Variants in CNNM4 observed in about 807,000 individuals in gnomAD.
CNNM4 encodes cyclin and CBS domain divalent metal cation transport mediator 4.
In CNNM4, 32 loss-of-function variants were observed where a neutral mutation model predicts 53.7. The ratio of observed to expected loss-of-function variants is 0.60; its 90% CI spans 0.45 to 0.80. The LOEUF (loss-of-function observed/expected upper bound fraction) is 0.80. Among genes scored for constraint, CNNM4 ranks in the 30% least tolerant of loss-of-function variants. The probability of loss-of-function intolerance (pLI) is 0.00; values close to 1 mark genes in which losing one functional copy is unlikely to be tolerated. For missense variants in CNNM4, 784 were observed against 1,022.0 expected, an observed-to-expected ratio of 0.77 and a Z score of 3.17; for synonymous variants, 410 against 440.0, an observed-to-expected ratio of 0.93 and a Z score of 0.85.
At chr2:96,784,585 T>C (rs2079000861) in intron 1 of CNNM4, among the ~76,000 whole-genome samples, 1 of 152,234 alleles carries the variant, frequency 6.6e-6, no homozygotes, top group African/African-American at 2.4e-5. Context: ...GGGGCCAGTC[T>C]TAGAGTCCCC....
intron 5 of CNNM4, 36 bp downstream of exon 5, chr2:96,799,684 C>A: frequency 6.7e-7 from 1 of 1,484,060 alleles, no homozygotes; most frequent in Admixed American, 2.0e-5. Context: ...TGCCCTTTGG[C>A]CCCCCTGCAG....
Position 96,765,024 on chromosome 2 carries a change from GTTTTTTTTTTTTTTTTTTTTTTTTT to G in CNNM4, c.1402+2641_1402+2665del, listed in dbSNP as rs1158502593. Reference sequence around the variant, plus strand: ...GTTTAGGAGTCTGGTGTTGGGAATGGTTTTTTTTTTTTTTTTTTTTTTTTTTTTTTTTTTTTTTTTTTGCTAAGAG... The same window carrying G: ...GTTTAGGAGTCTGGTGTTGGGAATGGTTTTTTTTTTTTTTTTTGCTAAGAG... On this transcript the variant is annotated intron_variant, in intron 1 of 6. Coordinates refer to ENST00000377075, the MANE Select transcript of CNNM4 (RefSeq NM_020184.4). Among the ~76,000 whole-genome samples the G allele has an allele frequency of 1.6e-3, 67 of 41,560 alleles. 1 individual carries two copies. Among genetic ancestry groups the G allele is most frequent in the East Asian group, 7.1e-3 (9 of 1,260 alleles). 27.3% of individuals were successfully genotyped at this position (41,560 alleles called of 152,430 possible).
rs55674661 is a variant in CNNM4, at chr2:96,808,192, A to G, written c.1949-369A>G. On this transcript the variant is annotated intron_variant, in intron 5 of 6. Coordinates refer to ENST00000377075, the MANE Select transcript of CNNM4 (RefSeq NM_020184.4). The surrounding 1 kb of genome is among the most constrained non-coding windows in gnomAD (Gnocchi z 4.9). ...TGTGAACCACTGTGCCCAGCCTAAGAATGGCAGTTTGCCTGTCCTGCTAGG... is the reference window on the plus strand; with the variant it reads ...TGTGAACCACTGTGCCCAGCCTAAGGATGGCAGTTTGCCTGTCCTGCTAGG... 0.27 allele frequency among the ~76,000 whole-genome samples: 41,484 copies of G among 152,066 alleles called. 11,749 individuals are homozygous for G. Among genetic ancestry groups the G allele is most frequent in the African/African-American group, 0.73 (30,148 of 41,486 alleles).
chr2:96,761,771 A>G lies in CNNM4; in HGVS notation c.772A>G (p.Thr258Ala), dbSNP rs763749179. 6 of 1,612,344 alleles carry G rather than the reference A, an allele frequency of 3.7e-6. No individual in the cohort carries two copies. The highest frequency in any genetic ancestry group is 5.1e-6 in the Non-Finnish European group (6 of 1,180,008). ...LGNVLVNTSL[T>A]ILLDNLIGSG... ...GAACGTGCTGGTCAACACCTCCCTCACAATCCTTCTAGACAACCTCATCGG... is the reference window on the plus strand; with the variant it reads ...GAACGTGCTGGTCAACACCTCCCTCGCAATCCTTCTAGACAACCTCATCGG... Residue 258 changes from threonine (T) to alanine (A), a missense_variant, in exon 1 of 7, where the codon ACA becomes GCA. By Grantham distance (58) the Thr-to-Ala change is moderately conservative (BLOSUM62 0). Around this residue, in one of 3 missense-constraint regions of CNNM4, gnomAD observed 473 missense variants for 624.6 expected, o/e 0.76. Transcript: ENST00000377075. This position sits in a 1 kb window ranked among gnomAD's most constrained non-coding sequence, Gnocchi z 6.0.
chr2:96,781,060 G>T (rs1255753461), intron 1 of CNNM4, among the ~76,000 whole-genome samples: 1 of 124,184 alleles, frequency 8.1e-6, no homozygotes, highest in Non-Finnish European at 1.6e-5. Flanking sequence ...CTCACTGCAA[G>T]CTCCGCCTCC....
Position 96,808,787 on chromosome 2 carries a change from A to G in CNNM4, c.2130+45A>G, listed in dbSNP as rs1281361590. On this transcript the variant is annotated intron_variant, in intron 6 of 6. Coordinates refer to ENST00000377075, the MANE Select transcript of CNNM4 (RefSeq NM_020184.4). This position sits in a 1 kb window ranked among gnomAD's most constrained non-coding sequence, Gnocchi z 4.9. ...GTCTGGGCAGTGCTATCTTCTGCTC[A>G]GGAATCAGCTACTACTTTCATCCAC... 1.5e-5 allele frequency: 24 copies of G among 1,588,580 alleles called. No individual in the cohort carries two copies. The highest frequency in any genetic ancestry group is 2.0e-5 in the Non-Finnish European group (23 of 1,157,408).
In CNNM4 at chr2:96,809,866, TC is replaced by T. The variant is rs1215620352; in HGVS notation, c.*351del. 5 of 184,228 alleles carry T rather than the reference TC, an allele frequency of 2.7e-5. No individual in the cohort carries two copies. The highest frequency in any genetic ancestry group is 1.2e-4 in the African/African-American group (5 of 42,402). 11.4% of individuals were successfully genotyped at this position (184,228 alleles called of 1,614,324 possible). A position where few individuals can be genotyped will look rare whatever the true frequency, so the allele number is the denominator to read the frequency against. ...TTTATTTAAAAAAAAAATATTTTTT[TC>T]CTAAAAACTATAAAAGAGGAAGGGT... is the stretch of plus-strand genomic sequence containing the variant. On this transcript the variant is annotated 3_prime_UTR_variant, in exon 7 of 7. Transcript: ENST00000377075.
intron 1 of CNNM4, among the ~76,000 whole-genome samples, chr2:96,791,371 C>T (rs1465111148): frequency 6.6e-6 from 1 of 151,292 alleles, no homozygotes. Context: ...GTGGCTCATG[C>T]CTGTAATCCC....
intron 1 of CNNM4, among the ~76,000 whole-genome samples, chr2:96,784,308 T>C (rs2078998981): frequency 1.3e-5 from 2 of 152,172 alleles, no homozygotes; most frequent in Admixed American, 1.3e-4. Context: ...GAGATACATA[T>C]TGAAATACTA....
chr2:96,799,461 C>A, intron 4 of CNNM4, 91 bp from the exon 5 acceptor site: 1 of 1,238,032 alleles, frequency 8.1e-7, no homozygotes, highest in Non-Finnish European at 1.2e-6. Flanking sequence ...TTCCTCCTGC[C>A]CCACTGTCCC....
chr2:96,779,417 G>T (rs1424744357), intron 1 of CNNM4, among the ~76,000 whole-genome samples: 2 of 151,552 alleles, frequency 1.3e-5, no homozygotes, highest in South Asian at 2.1e-4. Flanking sequence ...GCTGAGGTGG[G>T]AGGGTTGTTT....
At chr2:96,778,572 AT>A (rs1201552325) in intron 1 of CNNM4, among the ~76,000 whole-genome samples, 1 of 150,668 alleles carries the variant, frequency 6.6e-6, no homozygotes, top group African/African-American at 2.5e-5. Context: ...AAAAAAAAAA[AT>A]TATTTCTATG....
At position 96,794,545 on chromosome 2, in the gene CNNM4, G is replaced by A. The variant is rs144274930; in HGVS notation, c.1403-2467G>A. Among the ~76,000 whole-genome samples the A allele has an allele frequency of 8.9e-3, 1,361 of 152,230 alleles. 7 individuals are homozygous for A. Among genetic ancestry groups the A allele is most frequent in the Non-Finnish European group, 0.015 (1,028 of 68,018 alleles). ...CGCGCTTTATTCATCCACCTCTGCC[G>A]TGTTCTCCCTTGAGTAGCTGTGGCC... On this transcript the variant is annotated intron_variant, in intron 1 of 6. Transcript: ENST00000377075.
rs770312856 is a variant in CNNM4 at position 96,783,852 on chromosome 2, A to G, written c.1403-13160A>G. Among the ~76,000 whole-genome samples the G allele has an allele frequency of 1.4e-4, 21 of 152,204 alleles. 1 individual carries two copies. The highest frequency in any genetic ancestry group is 4.4e-5 in the Non-Finnish European group (3 of 68,046). On this transcript the variant is annotated intron_variant, in intron 1 of 6. Coordinates refer to ENST00000377075, the MANE Select transcript of CNNM4 (RefSeq NM_020184.4). ...ATGAAGTCATTCTGTTTTTTATAAA[A>G]CTTTTTAGTGACATGGGAAAATACA... is the stretch of plus-strand genomic sequence containing the variant.
At chr2:96,806,134 C>A (rs1212389819) in intron 5 of CNNM4, among the ~76,000 whole-genome samples, 12 of 143,586 alleles carry the variant, frequency 8.4e-5, no homozygotes, top group East Asian at 2.0e-4. Context: ...GGGGGCTGAC[C>A]CCCCCACCGC....
intron 1 of CNNM4, among the ~76,000 whole-genome samples, chr2:96,778,081 G>A (rs1158196841): frequency 6.6e-6 from 1 of 150,964 alleles, no homozygotes; most frequent in Non-Finnish European, 1.5e-5. Context: ...TGCCCAGGCT[G>A]GTCTTGAACT....
chr2:96,799,446 G>A (rs564141935), intron 4 of CNNM4, 106 bp from the exon 5 acceptor site: 69 of 1,166,246 alleles, frequency 5.9e-5, no homozygotes, highest in African/African-American at 1.8e-4. Flanking sequence ...CTCCAGTACC[G>A]GCCCTTCCTC....
chr2:96,796,915 G>A, intron 1 of CNNM4, 97 bp from the exon 2 acceptor site: 1 of 1,280,900 alleles, frequency 7.8e-7, no homozygotes, highest in Non-Finnish European at 1.1e-6. Flanking sequence ...CCCCATCCTG[G>A]TGACTTATGA....
intron 1 of CNNM4, among the ~76,000 whole-genome samples, chr2:96,774,841 C>T (rs1331459808): frequency 1.3e-5 from 2 of 151,474 alleles, no homozygotes; most frequent in African/African-American, 4.8e-5. Flanking sequence ...TGTGCCTGTA[C>T]TCCCAGCTAC....
Sources: allele counts gnomAD v4.1 joint callset (sites outside exome capture counted in the v4.1 genomes callset), GRCh38; gene constraint gnomAD v4.1.1; regional missense constraint gnomAD v4.1.1; non-coding constraint Gnocchi (gnomAD v3.1); transcripts MANE v1.5; gene names NCBI Gene and HGNC (gene_info 2026-07-23, HGNC 2026-07-21).